The following HYCC1 variants were observed in gnomAD, a reference collection of about 807,000 sequenced individuals.
HYCC1 encodes the protein hyccin PI4KA lipid kinase complex subunit 1, also known as hyccin.
At chr7:22,914,539 G>C in the HYCC1 span, among the ~76,000 whole-genome samples, 4 of 151,988 alleles carry the variant, frequency 2.6e-5, no homozygotes, top group African/African-American at 9.7e-5. Context: ...CCAGAAAATG[G>C]CACTTTTGAT....
At chr7:23,003,504 A>G in the HYCC1 span, among the ~76,000 whole-genome samples, 26 of 152,364 alleles carry the variant, frequency 1.7e-4, no homozygotes, top group African/African-American at 5.8e-4. Context: ...TTATCTTTCA[A>G]TCATTTTGCT....
the HYCC1 span, among the ~76,000 whole-genome samples, chr7:22,915,763 C>T: frequency 4.5e-4 from 69 of 152,240 alleles, no homozygotes; most frequent in East Asian, 5.0e-3. Context: ...TATGGACAGC[C>T]GGGCTTCTAA....
At chr7:22,983,155 C>A in the HYCC1 span, among the ~76,000 whole-genome samples, 2 of 151,890 alleles carry the variant, frequency 1.3e-5, no homozygotes, top group South Asian at 2.1e-4. Flanking sequence ...ATGGTGAAAT[C>A]CCATCTCCAC....
the HYCC1 span, among the ~76,000 whole-genome samples, chr7:23,012,639 A>T: frequency 2.6e-5 from 4 of 152,198 alleles, no homozygotes; most frequent in African/African-American, 9.7e-5. Context: ...CACTTCAAAA[A>T]TATGGTGGTT....
chr7:22,992,524 G>A, the HYCC1 span, among the ~76,000 whole-genome samples: 1 of 152,038 alleles, frequency 6.6e-6, no homozygotes. Flanking sequence ...ACAGAGTCTA[G>A]AAAATTCACA....
chr7:22,924,087 G>A, the HYCC1 span, among the ~76,000 whole-genome samples: 5 of 150,254 alleles, frequency 3.3e-5, no homozygotes, highest in African/African-American at 1.2e-4. Flanking sequence ...GCTGAGGTGT[G>A]AGAATTGCTT....
At chr7:22,976,137 CTT>C in the HYCC1 span, 2 of 935,610 alleles carry the variant, frequency 2.1e-6, no homozygotes, top group Non-Finnish European at 3.5e-6. Flanking sequence ...ACAAAAATAA[CTT>C]AGGTATGTAC....
the HYCC1 span, among the ~76,000 whole-genome samples, chr7:22,924,144 C>T: frequency 6.8e-6 from 1 of 147,800 alleles, no homozygotes; most frequent in Non-Finnish European, 1.5e-5. Context: ...TGTCACTGCA[C>T]TCCAACCTGG....
chr7:22,923,720 T>C, the HYCC1 span, among the ~76,000 whole-genome samples: 3 of 152,148 alleles, frequency 2.0e-5, no homozygotes, highest in African/African-American at 7.2e-5. Flanking sequence ...GCATTACTAC[T>C]GGCCTTACAA....
the HYCC1 span, among the ~76,000 whole-genome samples, chr7:22,928,123 C>A: frequency 2.0e-5 from 3 of 152,122 alleles, no homozygotes; most frequent in South Asian, 4.1e-4. Context: ...AGGCCTTTGA[C>A]AAAATTCAAC....
the HYCC1 span, among the ~76,000 whole-genome samples, chr7:22,996,781 C>T: frequency 6.6e-6 from 1 of 151,954 alleles, no homozygotes; most frequent in African/African-American, 2.4e-5. Flanking sequence ...AAGTTGCTAA[C>T]CCACCCCCAC....
chr7:22,959,846 G>A, the HYCC1 span, among the ~76,000 whole-genome samples: 1 of 152,154 alleles, frequency 6.6e-6, no homozygotes, highest in African/African-American at 2.4e-5. Flanking sequence ...TGCAGACAAA[G>A]TGTTTAAAGT....
chr7:22,988,264 A>C, the HYCC1 span, among the ~76,000 whole-genome samples: 1 of 152,222 alleles, frequency 6.6e-6, no homozygotes, highest in Non-Finnish European at 1.5e-5. Flanking sequence ...TGAATATCAA[A>C]TTGATTCAAA....
the HYCC1 span, among the ~76,000 whole-genome samples, chr7:22,920,520 A>C: frequency 4.6e-5 from 7 of 152,246 alleles, no homozygotes; most frequent in Admixed American, 1.3e-4. Context: ...ATCTAGCAAA[A>C]ACATCTTTTA....
chr7:22,976,710 C>T, the HYCC1 span: 3 of 1,607,196 alleles, frequency 1.9e-6, no homozygotes, highest in Non-Finnish European at 2.6e-6. Flanking sequence ...GTGCTGTCAG[C>T]ATCTCCCTTT....
chr7:22,948,958 G>C, the HYCC1 span, among the ~76,000 whole-genome samples: 1 of 152,020 alleles, frequency 6.6e-6, no homozygotes, highest in South Asian at 2.1e-4. Flanking sequence ...CACTGCAACT[G>C]AGATAAAATC....
the HYCC1 span, among the ~76,000 whole-genome samples, chr7:23,013,563 G>C: frequency 6.6e-6 from 1 of 152,164 alleles, no homozygotes; most frequent in Admixed American, 6.5e-5. Context: ...CGGTGGGGCC[G>C]AGGCGGCGGC....
At chr7:22,921,222 G>T in the HYCC1 span, among the ~76,000 whole-genome samples, 3 of 152,174 alleles carry the variant, frequency 2.0e-5, no homozygotes, top group Non-Finnish European at 4.4e-5. Context: ...ATATATGTTT[G>T]CATGTACATA....
chr7:22,909,519 T>C, the HYCC1 span, among the ~76,000 whole-genome samples: 8 of 152,224 alleles, frequency 5.3e-5, no homozygotes, highest in African/African-American at 1.9e-4. Context: ...TTCTACAGGC[T>C]GACTTTAATC....
Sources: gnomAD v4.1 joint callset for allele counts (sites outside exome capture counted in the v4.1 genomes callset) on GRCh38, gnomAD v4.1.1 for gene constraint, MANE v1.5 for transcripts, NCBI Gene and HGNC (gene_info 2026-07-23, HGNC 2026-07-21) for gene names.